PHACTR1: variants seen among roughly 807,000 people sequenced by gnomAD.
PHACTR1 encodes RPEL repeat containing 1.
A neutral mutation model predicts 69.2 loss-of-function variants in PHACTR1; 16 were observed. The ratio of observed to expected loss-of-function variants is 0.23; its 90% CI spans 0.16 to 0.35. The LOEUF is 0.35. PHACTR1 is among the 10% of genes least tolerant of loss of function. The probability of loss-of-function intolerance (pLI) is 1.00; values close to 1 mark genes in which losing one functional copy is unlikely to be tolerated. For missense variants in PHACTR1, 510 were observed against 734.7 expected (o/e 0.69, Z 3.54); for synonymous variants, 312 against 284.5 (o/e 1.10, Z -0.97).
intron 4 of PHACTR1, among the ~76,000 whole-genome samples, chr6:12,815,191 C>T (rs1288131400): frequency 2.6e-5 from 4 of 152,166 alleles, no homozygotes; most frequent in African/African-American, 9.6e-5. Context: ...TAGATAACTG[C>T]TTTTTCACAT....
At chr6:13,218,318 A>G (rs1009914851) in intron 8 of PHACTR1, among the ~76,000 whole-genome samples, 1 of 152,148 alleles carries the variant, frequency 6.6e-6, no homozygotes, top group African/African-American at 2.4e-5. Context: ...TTTCCTACTC[A>G]TCAGCCTGTA....
chr6:12,795,162 G>A lies in PHACTR1; in HGVS notation c.250+45372G>A, dbSNP rs115430877. Among the ~76,000 whole-genome samples, 425 of 152,248 alleles carry A rather than the reference G, an allele frequency of 2.8e-3. 1 individual carries two copies. The highest frequency in any genetic ancestry group is 5.2e-3 in the Non-Finnish European group (356 of 68,026). ...CTGATCCATGGACCACACACTTAGA[G>A]TAGCAAGGATCTAGAATAAAAACCA... On this transcript the variant is annotated intron_variant, in intron 4 of 14. Transcript: ENST00000332995.
At position 12,757,840 on chromosome 6, in the gene PHACTR1, G is replaced by C. The variant is rs1245096120; in HGVS notation, c.250+8050G>C. Reference sequence around the variant, plus strand: ...TTAAAAAGCAGTTATGGCCAGGTGTGGTGGCTTACACCTCTAATTCTAGCA... The same window carrying C: ...TTAAAAAGCAGTTATGGCCAGGTGTCGTGGCTTACACCTCTAATTCTAGCA... On this transcript the variant is annotated intron_variant, in intron 4 of 14. Transcript: ENST00000332995. Among the ~76,000 whole-genome samples, 12 of 152,222 alleles carry C rather than the reference G, an allele frequency of 7.9e-5. No homozygotes were observed. In the East Asian group the frequency reaches 2.1e-3, roughly 27 times the overall value.
At chr6:13,135,328 C>T (rs1821378129) in intron 5 of PHACTR1, among the ~76,000 whole-genome samples, 1 of 152,154 alleles carries the variant, frequency 6.6e-6, no homozygotes, top group African/African-American at 2.4e-5. Context: ...TATTTGGAAC[C>T]GCCCTGTCAT....
Position 13,091,768 on chromosome 6 carries a change from G to T in PHACTR1, c.415+38239G>T, listed in dbSNP as rs569866368. ...ATTCTCATAAGAAGCGGGCAACCTA[G>T]ATCCCTTGCATGCGCAGTTCACAAT... On this transcript the variant is annotated intron_variant, in intron 5 of 14. Coordinates refer to ENST00000332995, the MANE Select transcript of PHACTR1 (RefSeq NM_030948.6). Among the ~76,000 whole-genome samples the T allele has an allele frequency of 4.5e-4, 69 of 152,232 alleles. 1 individual carries two copies. In the South Asian group the frequency reaches 0.014, roughly 32 times the overall value.
intron 10 of PHACTR1, among the ~76,000 whole-genome samples, chr6:13,260,428 G>A (rs79803881): frequency 0.013 from 1,983 of 152,234 alleles, 41 homozygotes; most frequent in African/African-American, 0.04. Flanking sequence ...TATTCTTAGC[G>A]CAATGTCAGG....
chr6:12,830,052 G>GAAGA (rs1777281448), intron 4 of PHACTR1, among the ~76,000 whole-genome samples: 1 of 141,444 alleles, frequency 7.1e-6, no homozygotes, highest in South Asian at 2.3e-4. Context: ...AAGAAAGAAG[G>GAAGA]AAGGAAGGAA....
chr6:12,769,976 C>G (rs1014674457), intron 4 of PHACTR1, among the ~76,000 whole-genome samples: 2 of 152,194 alleles, frequency 1.3e-5, no homozygotes, highest in Admixed American at 1.3e-4. Context: ...TCATTTAACT[C>G]AGGAGGCACA....
chr6:13,186,553 A>T (rs1762848728), intron 7 of PHACTR1, among the ~76,000 whole-genome samples: 1 of 152,228 alleles, frequency 6.6e-6, no homozygotes, highest in Admixed American at 6.5e-5. Flanking sequence ...AAGATTATGC[A>T]CCCTTTAAGG....
intron 4 of PHACTR1, among the ~76,000 whole-genome samples, chr6:12,827,943 T>C (rs1318645180): frequency 6.6e-6 from 1 of 152,234 alleles, no homozygotes; most frequent in African/African-American, 2.4e-5. Flanking sequence ...TTGGGCTTTT[T>C]TGATACTCAT....
chr6:13,157,932 G>C (rs1758419066), intron 5 of PHACTR1, among the ~76,000 whole-genome samples: 2 of 152,032 alleles, frequency 1.3e-5, no homozygotes, highest in Non-Finnish European at 1.5e-5. Context: ...GCCCAGGCTG[G>C]AGTGCAGTGG....
At chr6:13,250,183 A>G (rs1463905834) in intron 10 of PHACTR1, among the ~76,000 whole-genome samples, 1 of 152,212 alleles carries the variant, frequency 6.6e-6, no homozygotes, top group Admixed American at 6.5e-5. Context: ...AAGAAATGAG[A>G]CATTTAAGGA....
At chr6:12,751,184 TG>T (rs944751797) in intron 4 of PHACTR1, among the ~76,000 whole-genome samples, 12 of 152,252 alleles carry the variant, frequency 7.9e-5, no homozygotes, top group African/African-American at 2.9e-4. Context: ...CCAACTGCCT[TG>T]GAATATAATT....
intron 4 of PHACTR1, among the ~76,000 whole-genome samples, chr6:12,906,802 T>C (rs1034876566): frequency 3.6e-4 from 55 of 152,206 alleles, no homozygotes; most frequent in African/African-American, 1.2e-3. Flanking sequence ...AGAACTCCAA[T>C]TGGCTCTGGT....
chr6:12,838,874 C>CA (rs1349551333), intron 4 of PHACTR1, among the ~76,000 whole-genome samples: 1 of 152,200 alleles, frequency 6.6e-6, no homozygotes, highest in African/African-American at 2.4e-5. Context: ...ATCTGCATCT[C>CA]AGGTCTCTGG....
intron 7 of PHACTR1, chr6:13,184,736 G>T: frequency 7.8e-7 from 1 of 1,282,848 alleles, no homozygotes; most frequent in East Asian, 4.6e-5. Flanking sequence ...TGTGTTCCCC[G>T]CTGGCCCCGC....
At chr6:13,226,263 C>T (rs1769672439) in intron 8 of PHACTR1, among the ~76,000 whole-genome samples, 1 of 152,082 alleles carries the variant, frequency 6.6e-6, no homozygotes, top group Admixed American at 6.5e-5. Flanking sequence ...AGAAAAACAG[C>T]TCTTTGCAAA....
intron 10 of PHACTR1, among the ~76,000 whole-genome samples, chr6:13,238,628 C>T (rs1045904350): frequency 6.6e-6 from 1 of 152,114 alleles, no homozygotes; most frequent in African/African-American, 2.4e-5. Context: ...CAATAAAATA[C>T]AGTAATCTTG....
At chr6:12,880,910 TG>T (rs1197713840) in intron 4 of PHACTR1, among the ~76,000 whole-genome samples, 1 of 152,200 alleles carries the variant, frequency 6.6e-6, no homozygotes, top group Non-Finnish European at 1.5e-5. Context: ...ATTATCAGGC[TG>T]TGAAATGTGA....
Sources: allele counts gnomAD v4.1 joint callset (sites outside exome capture counted in the v4.1 genomes callset), GRCh38; gene constraint gnomAD v4.1.1; transcripts MANE v1.5; gene names NCBI Gene and HGNC (gene_info 2026-07-23, HGNC 2026-07-21).